Variants in SORBS2 observed in about 807,000 individuals in gnomAD.
The protein encoded by SORBS2 is sorbin and SH3 domain containing 2.
Under a neutral mutation model 97.7 loss-of-function variants are expected in SORBS2, and 46 were observed. The ratio of observed to expected loss-of-function variants is 0.47; its 90% CI spans 0.37 to 0.60. SORBS2 has a LOEUF of 0.60. SORBS2 is among the 20% of genes least tolerant of loss of function. The pLI is 0.00. For synonymous variants in SORBS2, 476 were observed against 473.4 expected, an observed-to-expected ratio of 1.01 and a Z score of -0.07; for missense variants, 1,316 against 1,282.3, an observed-to-expected ratio of 1.03 and a Z score of -0.40.
At chr4:185,943,257 C>T (rs1402781787) in intron 1 of SORBS2, among the ~76,000 whole-genome samples, 1 of 152,190 alleles carries the variant, frequency 6.6e-6, no homozygotes, top group East Asian at 1.9e-4. Context: ...GGATATTCCA[C>T]ATAGTAACAA....
At position 185,869,318 on chromosome 4, in the gene SORBS2, G is replaced by A. The variant is rs1425969630; in HGVS notation, c.-338+86878C>T. ...AGGAAATGTATTCAGTTGGTAGGAG[G>A]AACTGGAATAACTGCAGGTTAAACA... On this transcript the variant is annotated intron_variant, in intron 1 of 20. Coordinates refer to the SORBS2 transcript ENST00000284776. 2.0e-5 allele frequency among the ~76,000 whole-genome samples: 3 copies of A among 152,116 alleles called. No homozygotes were observed. In the East Asian group the frequency reaches 5.8e-4, roughly 29 times the overall value.
intron 12 of SORBS2, among the ~76,000 whole-genome samples, chr4:185,595,573 G>A (rs2096064850): frequency 6.6e-6 from 1 of 152,024 alleles, no homozygotes; most frequent in Non-Finnish European, 1.5e-5. Context: ...AAACTTTCAT[G>A]CAGAAGTAAG....
At chr4:185,738,362 T>C (rs552786521) in intron 2 of SORBS2, among the ~76,000 whole-genome samples, 5 of 152,196 alleles carry the variant, frequency 3.3e-5, no homozygotes, top group African/African-American at 4.8e-5. Context: ...AACTAATTCC[T>C]GTCAGGGGAA....
rs530000535 is a variant in SORBS2 at position 185,605,375 on chromosome 4, C to A, written c.2796+6405G>T. 3.9e-5 allele frequency among the ~76,000 whole-genome samples: 6 copies of A among 152,338 alleles called. No individual in the cohort carries two copies. In the South Asian group the frequency reaches 6.2e-4, roughly 16 times the overall value. On this transcript the variant is annotated intron_variant, in intron 12 of 14. Transcript: ENST00000418609. Reference sequence around the variant, plus strand: ...TCAGTTCACTGCAACCTCCGCCTCCCGGTTTGAAGCAGTTCTCCTGCCTCA... The same window carrying A: ...TCAGTTCACTGCAACCTCCGCCTCCAGGTTTGAAGCAGTTCTCCTGCCTCA...
chr4:185,739,591 G>A (rs553468022), intron 2 of SORBS2, among the ~76,000 whole-genome samples: 1 of 152,304 alleles, frequency 6.6e-6, no homozygotes, highest in South Asian at 2.1e-4. Context: ...ATTGAGGTGT[G>A]TGTTCAGGAT....
chr4:185,848,891 T>C (rs1405400320), intron 1 of SORBS2, among the ~76,000 whole-genome samples: 2 of 152,134 alleles, frequency 1.3e-5, no homozygotes, highest in African/African-American at 4.8e-5. Flanking sequence ...TTACTTGAGA[T>C]TATTAGATGC....
chr4:185,669,199 T>C (rs116699418), intron 4 of SORBS2, among the ~76,000 whole-genome samples: 1,593 of 152,254 alleles, frequency 0.01, 25 homozygotes, highest in African/African-American at 0.036. Context: ...GATGAAGGCA[T>C]TGCAAACTCA....
In SORBS2 at chr4:185,606,532, C is replaced by T. The variant is rs1423626166; in HGVS notation, c.2796+5248G>A. ...TTATTAATATGATTAACTCTAATAGCTAATCATGGTAAGGCCGGTTAGTTC... is the reference window on the plus strand; with the variant it reads ...TTATTAATATGATTAACTCTAATAGTTAATCATGGTAAGGCCGGTTAGTTC... On this transcript the variant is annotated intron_variant, in intron 12 of 14. Coordinates refer to ENST00000418609, the Ensembl canonical transcript of SORBS2. This position sits in a 1 kb window ranked among gnomAD's most constrained non-coding sequence, Gnocchi z 4.3. The T allele has an allele frequency of 1.0e-6, 1 of 982,778 alleles. No individual in the cohort carries two copies. Among genetic ancestry groups the T allele is most frequent in the Non-Finnish European group, 1.2e-6 (1 of 827,714 alleles). The allele number at this position is 982,778 out of a possible 1,614,324, so 60.9% of individuals were successfully genotyped here.
chr4:185,718,819 T>C (rs2098486618), intron 2 of SORBS2, among the ~76,000 whole-genome samples: 1 of 152,150 alleles, frequency 6.6e-6, no homozygotes. Flanking sequence ...AGTCAGACAC[T>C]CAGGTTATGT....
intron 4 of SORBS2, chr4:185,677,012 G>T: frequency 6.4e-7 from 1 of 1,550,526 alleles, no homozygotes; most frequent in South Asian, 1.2e-5. Flanking sequence ...TGCAGTCTGA[G>T]GACTGAGAGG....
chr4:185,722,135 G>T (rs2098519604), intron 2 of SORBS2, among the ~76,000 whole-genome samples: 1 of 152,164 alleles, frequency 6.6e-6, no homozygotes, highest in East Asian at 1.9e-4. Flanking sequence ...AAACAAAAAA[G>T]AGATCATATT....
chr4:185,614,010 TAA>T (rs2096587370), intron 11 of SORBS2, among the ~76,000 whole-genome samples: 1 of 152,198 alleles, frequency 6.6e-6, no homozygotes, highest in Non-Finnish European at 1.5e-5. Flanking sequence ...AGAGCCACTC[TAA>T]ATATTACTAC....
intron 2 of SORBS2, among the ~76,000 whole-genome samples, chr4:185,713,534 G>A (rs11725118): frequency 0.18 from 27,858 of 151,870 alleles, 2,828 homozygotes; most frequent in Non-Finnish European, 0.24. Context: ...TTCAGTCCAC[G>A]TACTGGCATC....
chr4:185,871,867 T>G (rs1408330494), intron 1 of SORBS2, among the ~76,000 whole-genome samples: 1 of 152,260 alleles, frequency 6.6e-6, no homozygotes, highest in Non-Finnish European at 1.5e-5. Flanking sequence ...TTTCTGTGAC[T>G]GATGACAGTG....
chr4:185,660,943 G>T (rs749972127), upstream of SORBS2, among the ~76,000 whole-genome samples: 6 of 151,690 alleles, frequency 4.0e-5, no homozygotes, highest in Non-Finnish European at 2.9e-5. Flanking sequence ...TATTTTTTTT[G>T]ATATTTTAGG....
chr4:185,703,799 G>C (rs146916361), intron 2 of SORBS2, among the ~76,000 whole-genome samples: 271 of 152,240 alleles, frequency 1.8e-3, no homozygotes, highest in Middle Eastern at 3.4e-3. Flanking sequence ...TAATATTATG[G>C]CTATTTGTAA....
intron 2 of SORBS2, among the ~76,000 whole-genome samples, chr4:185,749,080 C>A (rs2098782984): frequency 6.6e-6 from 1 of 152,190 alleles, no homozygotes; most frequent in African/African-American, 2.4e-5. Context: ...TAGCAAGAAC[C>A]TTTTAGGGAA....
intron 1 of SORBS2, among the ~76,000 whole-genome samples, chr4:185,789,728 CTT>C (rs1183332943): frequency 3.3e-5 from 5 of 151,966 alleles, no homozygotes; most frequent in African/African-American, 9.7e-5. Context: ...GACATTATAA[CTT>C]TTTAATTCTC....
At chr4:185,663,053 A>G (rs2097543704) in intron 4 of SORBS2, among the ~76,000 whole-genome samples, 1 of 152,172 alleles carries the variant, frequency 6.6e-6, no homozygotes, top group South Asian at 2.1e-4. Context: ...ATTCTGATGG[A>G]ACTGAATCGG....
Sources: allele counts gnomAD v4.1 joint callset (sites outside exome capture counted in the v4.1 genomes callset), GRCh38; gene constraint gnomAD v4.1.1; non-coding constraint Gnocchi (gnomAD v3.1); transcripts MANE v1.5; gene names NCBI Gene and HGNC (gene_info 2026-07-23, HGNC 2026-07-21).